The following CYB5R1 variants were observed in gnomAD, a reference collection of about 807,000 sequenced individuals.
CYB5R1 encodes the protein cytochrome b5 reductase 1.
In CYB5R1, 32 loss-of-function variants were observed where a neutral mutation model predicts 37.4. That is an observed-to-expected ratio of 0.86 (90% CI 0.65 to 1.15). CYB5R1 has a LOEUF of 1.15. CYB5R1 is among the 50% of genes most tolerant of loss of function. The probability of loss-of-function intolerance (pLI) is 0.00; values close to 1 mark genes in which losing one functional copy is unlikely to be tolerated. For synonymous variants in CYB5R1, 159 were observed against 155.2 expected (o/e 1.02, Z -0.18); for missense variants, 345 against 382.5 (o/e 0.90, Z 0.82).
At chr1:202,966,651 C>T (rs1405781322) in intron 2 of CYB5R1, 51 bp from the exon 3 acceptor site, 13 of 1,613,508 alleles carry the variant, frequency 8.1e-6, no homozygotes, top group South Asian at 7.7e-5. Flanking sequence ...GGCGCTGCCA[C>T]GTCCCTTGGA....
rs906145747 is a variant in CYB5R1, at chr1:202,966,945, G to A, written c.16-47C>T. 4.5e-6 allele frequency: 7 copies of A among 1,548,888 alleles called. No individual in the cohort carries two copies. In the African/African-American group the frequency reaches 5.4e-5, roughly 12 times the overall value. ...TGACCGCCAGGCTGGGTAAGAGCCC[G>A]GGGCTTGGGTGGTGACCGTCCCAGG... On this transcript the variant is annotated intron_variant, in intron 1 of 8. Coordinates refer to ENST00000367249, the MANE Select transcript of CYB5R1 (RefSeq NM_016243.3).
At chr1:202,966,164 C>T (rs952249958) in intron 3 of CYB5R1, 171 bp from the exon 4 acceptor site, 13 of 609,148 alleles carry the variant, frequency 2.1e-5, no homozygotes, top group East Asian at 2.8e-5. Context: ...CTCTTATAAG[C>T]GCCCAGTTGA....
intron 5 of CYB5R1, chr1:202,965,012 T>G: frequency 2.2e-6 from 1 of 453,040 alleles, no homozygotes; most frequent in South Asian, 2.5e-5. Context: ...ACACAGCAGC[T>G]CCAGGGACTT....
At chr1:202,966,060 A>T in intron 3 of CYB5R1, 67 bp from the exon 4 acceptor site, 1 of 1,013,500 alleles carries the variant, frequency 9.9e-7, no homozygotes, top group Non-Finnish European at 1.5e-6. Context: ...AAATACTCAA[A>T]GAGATTTGAG....
At chr1:202,962,785 G>T in intron 8 of CYB5R1, 86 bp from the exon 9 acceptor site, 2 of 1,502,478 alleles carry the variant, frequency 1.3e-6, no homozygotes, top group Non-Finnish European at 1.8e-6. Context: ...GGAGGGCCCT[G>T]AAAGGCTCTG....
At position 202,962,541 on chromosome 1, in the gene CYB5R1, G is replaced by T. The variant is rs774846428; in HGVS notation, c.904C>A (p.Arg302=). The change falls in exon 9 of 9, where the codon CGA becomes AGA. Residue 302 remains arginine, a synonymous_variant. Transcript: ENST00000367249. The stretch of plus-strand genomic sequence containing the variant: ...CTGGAGGATGCTCAGTAGGTGAATC[G>T]CATCTTTTGTGAGTAGCCCAGTTTG... ...LDKLGYSQKM[R]FTY 1.9e-5 allele frequency: 30 copies of T among 1,609,450 alleles called. No homozygotes were observed. The highest frequency in any genetic ancestry group is 2.5e-5 in the Non-Finnish European group (30 of 1,177,570).
chr1:202,962,721 G>A (rs1655016778), intron 8 of CYB5R1, 22 bp from the exon 9 acceptor site: 1 of 1,613,432 alleles, frequency 6.2e-7, no homozygotes, highest in African/African-American at 1.3e-5. Flanking sequence ...GGAGAAGAAA[G>A]TACTTAATAC....
Position 202,966,554 on chromosome 1 carries a change from G to C in CYB5R1, c.212C>G (p.Ala71Gly). 6.2e-7 allele frequency: 1 copy of C among 1,614,210 alleles called. No homozygotes were observed. Among genetic ancestry groups the C allele is most frequent in the Non-Finnish European group, 8.5e-7 (1 of 1,180,028 alleles). ...TKRFRFALPT[A>G]HHTLGLPVGK... ...CACAGGCAGCCCCAGAGTGTGGTGG[G>C]CGGTGGGCAGGGCAAAGCGGAACCT... The change falls in exon 3 of 9, where the codon GCC becomes GGC. Residue 71 changes from alanine to glycine, a missense_variant. By Grantham distance (60) the Ala-to-Gly change is moderately conservative (BLOSUM62 0). Coordinates refer to ENST00000367249, the MANE Select transcript of CYB5R1 (RefSeq NM_016243.3).
At chr1:202,967,039 C>G in intron 1 of CYB5R1, 141 bp from the exon 2 acceptor site, 1 of 1,430,568 alleles carries the variant, frequency 7.0e-7, no homozygotes, top group East Asian at 2.5e-5. Context: ...GAGTCCCGAG[C>G]CCGGATGTGC....
At chr1:202,966,193 C>T in intron 3 of CYB5R1, 200 bp from the exon 4 acceptor site, 2 of 594,794 alleles carry the variant, frequency 3.4e-6, no homozygotes, top group South Asian at 4.1e-5. Flanking sequence ...TTATTTCCAG[C>T]GTTTCCTGCC....
rs541540121 is a variant in CYB5R1, at chr1:202,964,043, G to T, written c.560-316C>A. ...AGTACCTCCGGATTCAATGATGAGGGTTCTAGAACACTGTATTTGCAGAGG... is the reference window on the plus strand; with the variant it reads ...AGTACCTCCGGATTCAATGATGAGGTTTCTAGAACACTGTATTTGCAGAGG... On this transcript the variant is annotated intron_variant, in intron 6 of 8. Transcript: ENST00000367249. 1.6e-5 allele frequency: 4 copies of T among 251,926 alleles called. No homozygotes were observed. The East Asian group carries it at 2.5e-4, about 16-fold the overall frequency. The allele number at this position is 251,926 out of a possible 1,614,324, so 15.6% of individuals were successfully genotyped here.
chr1:202,963,681 A>G lies in CYB5R1; in HGVS notation c.606T>C (p.Pro202=), dbSNP rs1248436627. The G allele has an allele frequency of 6.2e-7, 1 of 1,610,630 alleles. No homozygotes were observed. The highest frequency in any genetic ancestry group is 8.5e-7 in the Non-Finnish European group (1 of 1,178,280). ...LQLIRAILKV[P]EDPTQCFLLF... is the part of the protein sequence containing the mutation. The stretch of plus-strand genomic sequence containing the variant: ...GCAGAAAGCACTGGGTTGGATCTTC[A>G]GGGACTTTCAGGATGGCCCGGATCA... Residue 202 remains proline, a synonymous_variant, in exon 7 of 9, where the codon CCT becomes CCC. Transcript: ENST00000367249.
chr1:202,964,744 G>C (rs371958343), intron 5 of CYB5R1, 49 bp from the exon 6 acceptor site: 9 of 1,363,708 alleles, frequency 6.6e-6, no homozygotes, highest in Non-Finnish European at 9.5e-6. Context: ...TCAATACAGC[G>C]AACTTAGAAA....
At chr1:202,966,685 T>C in intron 2 of CYB5R1, 64 bp downstream of exon 2, 1 of 1,612,898 alleles carries the variant, frequency 6.2e-7, no homozygotes, top group Non-Finnish European at 8.5e-7. Flanking sequence ...GTGGGTGCTG[T>C]ACCCTCCATG....
At chr1:202,965,734 G>T (rs554438296) in intron 4 of CYB5R1, among the ~76,000 whole-genome samples, 153 bp downstream of exon 4, 1 of 151,602 alleles carries the variant, frequency 6.6e-6, no homozygotes, top group South Asian at 2.1e-4. Flanking sequence ...CTGGGTTCAA[G>T]TGAGTCTCCT....
At chr1:202,965,631 TTCTTTC>T in intron 4 of CYB5R1, 131 bp from the exon 5 acceptor site, 1 of 988,306 alleles carries the variant, frequency 1.0e-6, no homozygotes, top group Middle Eastern at 2.9e-4. Flanking sequence ...CATACTTTCT[TTCTTTC>T]TTTTTTTTTT....
In CYB5R1 at chr1:202,962,346, C is replaced by T; in HGVS notation, c.*181G>A. ...ATTTAGGAGGCCATCCAAGGAGTGACTGAGCCTTGGCCCTCTTCCATGGCT... is the reference window on the plus strand; with the variant it reads ...ATTTAGGAGGCCATCCAAGGAGTGATTGAGCCTTGGCCCTCTTCCATGGCT... On this transcript the variant is annotated 3_prime_UTR_variant, in exon 9 of 9. Transcript: ENST00000367249. The T allele has an allele frequency of 1.3e-6, 1 of 743,806 alleles. No individual in the cohort carries two copies. 46.1% of individuals were successfully genotyped at this position (743,806 alleles called of 1,614,324 possible). A position where few individuals can be genotyped will look rare whatever the true frequency, so the allele number is the denominator to read the frequency against.
At chr1:202,963,248 A>G (rs1425647591) in intron 7 of CYB5R1, 83 bp from the exon 8 acceptor site, 1 of 962,960 alleles carries the variant, frequency 1.0e-6, no homozygotes, top group African/African-American at 1.6e-5. Context: ...CTTTCCAACT[A>G]AGAAAAAGAA....
intron 5 of CYB5R1, chr1:202,965,122 G>T: frequency 2.1e-6 from 1 of 465,636 alleles, no homozygotes. Flanking sequence ...TGGGGAAGAG[G>T]GGCACATGTT....
Sources: gnomAD v4.1 joint callset for allele counts (sites outside exome capture counted in the v4.1 genomes callset) on GRCh38, gnomAD v4.1.1 for gene constraint, MANE v1.5 for transcripts, NCBI Gene and HGNC (gene_info 2026-07-23, HGNC 2026-07-21) for gene names.